The following CNTNAP2 variants were observed in gnomAD, a reference collection of about 807,000 sequenced individuals.
CNTNAP2 encodes contactin-associated protein-like 2.
A neutral mutation model predicts 155.2 loss-of-function variants in CNTNAP2; 98 were observed. The observed-to-expected ratio is 0.63, with a 90% CI of 0.54 to 0.75. The LOEUF is 0.75. CNTNAP2 is among the 30% of genes least tolerant of loss of function. CNTNAP2 has a pLI of 0.00. For synonymous variants in CNTNAP2, 651 were observed against 631.2 expected (o/e 1.03, Z -0.47); for missense variants, 1,727 against 1,688.1 (o/e 1.02, Z -0.40).
At chr7:147,685,998 G>A (rs1416212862) in intron 13 of CNTNAP2, among the ~76,000 whole-genome samples, 14 of 151,966 alleles carry the variant, frequency 9.2e-5, no homozygotes, top group Admixed American at 9.2e-4. Context: ...AGGGGATGTT[G>A]ACTTTAAGTG....
rs535094195 is a variant in CNTNAP2 at position 148,405,603 on chromosome 7, A to ATTTTT, written c.3716-3759_3716-3755dup. Among the ~76,000 whole-genome samples, 123 of 36,832 alleles carry ATTTTT rather than the reference A, an allele frequency of 3.3e-3. 22 individuals are homozygous for ATTTTT. Among genetic ancestry groups the ATTTTT allele is most frequent in the Non-Finnish European group, 3.9e-3 (87 of 22,516 alleles). 24.2% of individuals were successfully genotyped at this position (36,832 alleles called of 152,430 possible). A position where few individuals can be genotyped will look rare whatever the true frequency, so the allele number is the denominator to read the frequency against. On this transcript the variant is annotated intron_variant, in intron 22 of 23. Coordinates refer to ENST00000361727, the MANE Select transcript of CNTNAP2 (RefSeq NM_014141.6). ...AGGCACGTGCCACCATGCACAGCTA[A>ATTTTT]TTTTTTTTTTTTTTTTTTTTTTTTT...
rs189714487 is a variant in CNTNAP2, at chr7:148,296,946, C to G, written c.3475+29820C>G. Among the ~76,000 whole-genome samples the G allele has an allele frequency of 3.7e-3, 560 of 152,298 alleles. 5 individuals are homozygous for G. The highest frequency in any genetic ancestry group is 0.013 in the African/African-American group (537 of 41,562). On this transcript the variant is annotated intron_variant, in intron 21 of 23. Coordinates refer to ENST00000361727, the MANE Select transcript of CNTNAP2 (RefSeq NM_014141.6). ...CTAGGCCCCTGAGCCAGCTCAAGAA[C>G]TGACTTACCTGGCTTATGCTCATTG... is the stretch of plus-strand genomic sequence containing the variant.
intron 11 of CNTNAP2, among the ~76,000 whole-genome samples, chr7:147,495,797 A>G (rs574513628): frequency 2.6e-5 from 4 of 152,270 alleles, no homozygotes; most frequent in Non-Finnish European, 4.4e-5. Context: ...GGAGTCCCCA[A>G]TCCCCACAAT....
intron 2 of CNTNAP2, among the ~76,000 whole-genome samples, chr7:146,774,802 G>A (rs1802359237): frequency 6.6e-6 from 1 of 152,126 alleles, no homozygotes; most frequent in South Asian, 2.1e-4. Context: ...TATTGAAAAT[G>A]CAAATGCCCC....
At chr7:146,833,447 A>G (rs1322801150) in intron 2 of CNTNAP2, among the ~76,000 whole-genome samples, 1 of 151,598 alleles carries the variant, frequency 6.6e-6, no homozygotes, top group East Asian at 2.0e-4. Context: ...GACTTTCTCT[A>G]CTCAAGTCCC....
intron 1 of CNTNAP2, among the ~76,000 whole-genome samples, chr7:146,508,529 G>T (rs1427140584): frequency 6.6e-6 from 1 of 152,284 alleles, no homozygotes; most frequent in African/African-American, 2.4e-5. Context: ...TACAATCTGT[G>T]CCAATGTCTA....
chr7:148,031,360 C>T (rs1011554143), intron 15 of CNTNAP2, among the ~76,000 whole-genome samples: 5 of 152,186 alleles, frequency 3.3e-5, no homozygotes, highest in Admixed American at 1.3e-4. Flanking sequence ...AGAAAGCTGT[C>T]TGAAGTTTAG....
intron 1 of CNTNAP2, among the ~76,000 whole-genome samples, chr7:146,661,732 C>CTTTCTTT (rs1554464100): frequency 6.9e-6 from 1 of 145,042 alleles, no homozygotes; most frequent in African/African-American, 2.5e-5. Flanking sequence ...TTCTTTCTTT[C>CTTTCTTT]TTTTTTTTTT....
At chr7:147,252,571 G>A (rs1804222834) in intron 8 of CNTNAP2, among the ~76,000 whole-genome samples, 1 of 152,012 alleles carries the variant, frequency 6.6e-6, no homozygotes, top group Non-Finnish European at 1.5e-5. Context: ...GAAATAATAA[G>A]GCTAGAAAAA....
At chr7:147,393,500 CAG>C (rs924044184) in intron 9 of CNTNAP2, among the ~76,000 whole-genome samples, 5 of 141,020 alleles carry the variant, frequency 3.5e-5, no homozygotes, top group East Asian at 2.1e-4. Flanking sequence ...AAAAAAAAAA[CAG>C]AAACAAATGA....
At chr7:147,225,800 AAAG>A (rs1247711550) in intron 8 of CNTNAP2, among the ~76,000 whole-genome samples, 1 of 124,732 alleles carries the variant, frequency 8.0e-6, no homozygotes, top group East Asian at 2.1e-4. Context: ...GGAAGGAAGG[AAAG>A]AAAGAAAGAA....
At chr7:147,065,522 A>G (rs985626139) in intron 4 of CNTNAP2, among the ~76,000 whole-genome samples, 2 of 152,178 alleles carry the variant, frequency 1.3e-5, no homozygotes, top group African/African-American at 4.8e-5. Flanking sequence ...GAGTGGCTGT[A>G]GTTTGTTGGT....
chr7:147,902,402 TA>T (rs35370083), intron 13 of CNTNAP2, among the ~76,000 whole-genome samples: 51,438 of 151,916 alleles, frequency 0.34, 8,985 homozygotes, highest in African/African-American at 0.42. Context: ...AAAGCTTTTT[TA>T]AAAAAAACAA....
intron 1 of CNTNAP2, among the ~76,000 whole-genome samples, chr7:146,232,459 G>T (rs768111311): frequency 6.6e-6 from 1 of 151,870 alleles, no homozygotes; most frequent in Admixed American, 6.6e-5. Flanking sequence ...CAAATATTTT[G>T]TCTAGCTACC....
chr7:147,237,608 G>C (rs1304295357), intron 8 of CNTNAP2, among the ~76,000 whole-genome samples: 2 of 152,134 alleles, frequency 1.3e-5, no homozygotes, highest in South Asian at 2.1e-4. Flanking sequence ...TTTAAGGTCA[G>C]GGGTCATGTC....
intron 10 of CNTNAP2, among the ~76,000 whole-genome samples, chr7:147,412,033 C>T (rs888953278): frequency 1.3e-5 from 2 of 152,140 alleles, no homozygotes; most frequent in East Asian, 1.9e-4. Context: ...CTTAGACAAT[C>T]GACATTTTAG....
chr7:148,233,960 G>A lies in CNTNAP2; in HGVS notation c.3381+4181G>A, dbSNP rs140844728. Among the ~76,000 whole-genome samples, 415 of 152,184 alleles carry A rather than the reference G, an allele frequency of 2.7e-3. 2 individuals carry two copies. The highest frequency in any genetic ancestry group is 8.8e-3 in the African/African-American group (365 of 41,534). On this transcript the variant is annotated intron_variant, in intron 20 of 23. Transcript: ENST00000361727. Reference sequence around the variant, plus strand: ...GCTTTGCCCTCTTCCTCCTTCTCAGGCCATGTAAGACATGCCTGCTACCCC... The same window carrying A: ...GCTTTGCCCTCTTCCTCCTTCTCAGACCATGTAAGACATGCCTGCTACCCC...
At chr7:146,788,610 C>T (rs970181222) in intron 2 of CNTNAP2, among the ~76,000 whole-genome samples, 1 of 152,114 alleles carries the variant, frequency 6.6e-6, no homozygotes, top group African/African-American at 2.4e-5. Context: ...CCAAACCTTC[C>T]ACACACCTAC....
At chr7:146,461,115 T>C (rs1346678657) in intron 1 of CNTNAP2, among the ~76,000 whole-genome samples, 1 of 151,942 alleles carries the variant, frequency 6.6e-6, no homozygotes, top group Non-Finnish European at 1.5e-5. Flanking sequence ...TAATAATACC[T>C]TAATAAGGCT....
Sources: gnomAD v4.1 joint callset for allele counts (sites outside exome capture counted in the v4.1 genomes callset) on GRCh38, gnomAD v4.1.1 for gene constraint, MANE v1.5 for transcripts, NCBI Gene and HGNC (gene_info 2026-07-23, HGNC 2026-07-21) for gene names.